The following LOC128462377 variants were observed in gnomAD, a reference collection of about 807,000 sequenced individuals.
the LOC128462377 span, among the ~76,000 whole-genome samples, chr16:89,362,174 T>C: frequency 3.5e-3 from 539 of 152,364 alleles, 3 homozygotes; most frequent in African/African-American, 0.012. Flanking sequence ...ATTTTTGTTT[T>C]ATTCTTCTGA....
At chr16:89,346,105 C>G in the LOC128462377 span, among the ~76,000 whole-genome samples, 1 of 151,784 alleles carries the variant, frequency 6.6e-6, no homozygotes, top group Admixed American at 6.6e-5. Context: ...AAAAATTAGC[C>G]GGGCGTGGTG....
the LOC128462377 span, among the ~76,000 whole-genome samples, chr16:89,393,312 TTA>T: frequency 6.7e-5 from 10 of 149,582 alleles, no homozygotes; most frequent in South Asian, 1.0e-3. Context: ...TTTTTTATTT[TTA>T]TTTTTTTTTT....
the LOC128462377 span, among the ~76,000 whole-genome samples, chr16:89,375,062 C>T: frequency 6.6e-6 from 1 of 152,026 alleles, no homozygotes; most frequent in Non-Finnish European, 1.5e-5. Context: ...TACATGGCAT[C>T]GTTCAGCAGA....
chr16:89,399,708 C>T, the LOC128462377 span, among the ~76,000 whole-genome samples: 1 of 152,158 alleles, frequency 6.6e-6, no homozygotes, highest in African/African-American at 2.4e-5. Context: ...AACAAATGGC[C>T]GCTCTTGTGG....
At chr16:89,349,861 AACACACACACACACACACACACACACAC>A in the LOC128462377 span, among the ~76,000 whole-genome samples, 20 of 133,238 alleles carry the variant, frequency 1.5e-4, no homozygotes, top group African/African-American at 5.7e-4. Context: ...TACTTGTTAA[AACACACACACACACACACACACACACAC>A]ACACACACAC....
the LOC128462377 span, among the ~76,000 whole-genome samples, chr16:89,332,741 G>A: frequency 6.6e-6 from 1 of 152,198 alleles, no homozygotes; most frequent in Non-Finnish European, 1.5e-5. Flanking sequence ...TGAGGAAAGT[G>A]CCCCGCTGCC....
chr16:89,349,242 A>T, the LOC128462377 span, among the ~76,000 whole-genome samples: 1 of 151,866 alleles, frequency 6.6e-6, no homozygotes. Flanking sequence ...AAAAGACCAA[A>T]AACAGGCCAG....
the LOC128462377 span, among the ~76,000 whole-genome samples, chr16:89,371,671 C>T: frequency 6.6e-6 from 1 of 152,180 alleles, no homozygotes; most frequent in Non-Finnish European, 1.5e-5. Flanking sequence ...CAGACTCCCC[C>T]CTGCACCCCC....
At chr16:89,345,601 C>T in the LOC128462377 span, among the ~76,000 whole-genome samples, 1 of 152,126 alleles carries the variant, frequency 6.6e-6, no homozygotes, top group African/African-American at 2.4e-5. Flanking sequence ...TTTGTTACAG[C>T]GGCATAAACA....
At chr16:89,391,560 G>A in the LOC128462377 span, among the ~76,000 whole-genome samples, 42 of 152,162 alleles carry the variant, frequency 2.8e-4, 1 homozygote, top group South Asian at 1.0e-3. Context: ...TGAGAGCAAA[G>A]GAAAAATCTG....
chr16:89,325,477 A>C, the LOC128462377 span, among the ~76,000 whole-genome samples: 1 of 151,790 alleles, frequency 6.6e-6, no homozygotes, highest in Non-Finnish European at 1.5e-5. Flanking sequence ...TCTCACACAC[A>C]CACACACACA....
chr16:89,375,316 C>A, the LOC128462377 span, among the ~76,000 whole-genome samples: 2 of 152,188 alleles, frequency 1.3e-5, no homozygotes, highest in Admixed American at 1.3e-4. Context: ...AAGCTAGTTG[C>A]GGTAGCATGG....
At chr16:89,366,952 C>T in the LOC128462377 span, among the ~76,000 whole-genome samples, 1 of 152,232 alleles carries the variant, frequency 6.6e-6, no homozygotes, top group African/African-American at 2.4e-5. Context: ...TGTACAAAGA[C>T]AGACCCACAG....
chr16:89,381,687 C>G, the LOC128462377 span, among the ~76,000 whole-genome samples: 1 of 152,206 alleles, frequency 6.6e-6, no homozygotes. Context: ...GAACTCTCAT[C>G]AGGAAACAGA....
chr16:89,343,567 G>C, the LOC128462377 span: 4 of 152,360 alleles, frequency 2.6e-5, no homozygotes, highest in East Asian at 7.7e-4. Flanking sequence ...GCGAAACACA[G>C]TGCCTCCTCT....
chr16:89,407,984 C>A, the LOC128462377 span, among the ~76,000 whole-genome samples: 2 of 152,048 alleles, frequency 1.3e-5, no homozygotes, highest in African/African-American at 4.8e-5. Context: ...ACATCTATAG[C>A]GAAGTGTGGA....
At chr16:89,328,473 G>A in the LOC128462377 span, among the ~76,000 whole-genome samples, 1 of 152,212 alleles carries the variant, frequency 6.6e-6, no homozygotes, top group African/African-American at 2.4e-5. Flanking sequence ...CTCGAAACTG[G>A]GTTTCATTCA....
the LOC128462377 span, among the ~76,000 whole-genome samples, chr16:89,351,335 C>T: frequency 6.6e-6 from 1 of 152,150 alleles, no homozygotes; most frequent in African/African-American, 2.4e-5. Flanking sequence ...ATCCATGGCC[C>T]TAGGGAAGGA....
At chr16:89,341,715 C>T in the LOC128462377 span, among the ~76,000 whole-genome samples, 9 of 152,236 alleles carry the variant, frequency 5.9e-5, no homozygotes, top group Non-Finnish European at 8.8e-5. Context: ...TAATGATATA[C>T]CTACAAAAGC....
Sources: gnomAD v4.1 joint callset for allele counts (sites outside exome capture counted in the v4.1 genomes callset) on GRCh38, gnomAD v4.1.1 for gene constraint, MANE v1.5 for transcripts.